The following CD80 variants were observed in gnomAD, a reference collection of about 807,000 sequenced individuals.
CD80 encodes CD80 molecule.
Under a neutral mutation model 27.1 loss-of-function variants are expected in CD80, and 13 were observed. The ratio of observed to expected loss-of-function variants is 0.48; its 90% CI spans 0.31 to 0.76. The LOEUF (loss-of-function observed/expected upper bound fraction) is 0.76, where lower values mean the gene tolerates loss of function less well. Ranked by LOEUF, CD80 falls within the 30% of genes least tolerant of loss-of-function variation. The pLI is 0.04. For synonymous variants in CD80, 125 were observed against 125.5 expected, an observed-to-expected ratio of 1.00 and a Z score of 0.03; for missense variants, 277 against 347.9, an observed-to-expected ratio of 0.80 and a Z score of 1.62.
chr3:119,544,515 GC>G (rs1370875145), intron 3 of CD80, 34 bp downstream of exon 3: 2 of 1,586,406 alleles, frequency 1.3e-6, no homozygotes, highest in Non-Finnish European at 1.7e-6. Context: ...TTAAGAATCT[GC>G]CGGCCTAGAG....
chr3:119,543,835 A>C (rs924567326), intron 3 of CD80, among the ~76,000 whole-genome samples: 9 of 151,960 alleles, frequency 5.9e-5, no homozygotes, highest in Non-Finnish European at 1.2e-4. Context: ...TAAGATAGCC[A>C]TAGTAATAGA....
At chr3:119,532,685 T>C (rs1425566481) in intron 4 of CD80, among the ~76,000 whole-genome samples, 1 of 152,182 alleles carries the variant, frequency 6.6e-6, no homozygotes, top group Non-Finnish European at 1.5e-5. Context: ...ATTTTCTTTG[T>C]GCTCACTTCC....
intron 3 of CD80, chr3:119,544,317 G>T: frequency 1.8e-6 from 1 of 552,220 alleles, no homozygotes; most frequent in Non-Finnish European, 3.2e-6. Flanking sequence ...AGTGCCCCAG[G>T]ATGATTGTCA....
chr3:119,530,838 G>A (rs745321463), intron 4 of CD80, among the ~76,000 whole-genome samples: 61 of 152,316 alleles, frequency 4.0e-4, no homozygotes, highest in Non-Finnish European at 6.2e-4. Flanking sequence ...TCTTCATGCT[G>A]AAGTTTTATT....
intron 3 of CD80, among the ~76,000 whole-genome samples, chr3:119,543,887 C>CTTTTTT (rs71619749): frequency 4.0e-5 from 4 of 99,130 alleles, no homozygotes; most frequent in Non-Finnish European, 5.9e-5. Flanking sequence ...CTCCATTGTT[C>CTTTTTT]TTTTTTTTTT....
At chr3:119,531,001 A>G (rs1201874788) in intron 4 of CD80, among the ~76,000 whole-genome samples, 2 of 152,234 alleles carry the variant, frequency 1.3e-5, no homozygotes, top group African/African-American at 4.8e-5. Flanking sequence ...GTTTAGTGTT[A>G]AAGATTATCT....
Position 119,529,952 on chromosome 3 carries a change from G to T in CD80, c.701-15C>A, listed in dbSNP as rs766600994. On this transcript the variant is annotated splice_polypyrimidine_tract_variant and intron_variant, in intron 4 of 6. Transcript: ENST00000264246. The stretch of plus-strand genomic sequence containing the variant: ...CTCTTGCTTGGCTATGGAGGGAAAA[G>T]AATAATGTCAGCTGTAATGTATTTC... The T allele has an allele frequency of 1.8e-5, 28 of 1,557,596 alleles. No homozygotes were observed. The highest frequency in any genetic ancestry group is 2.4e-5 in the Non-Finnish European group (27 of 1,128,850).
chr3:119,530,021 T>G (rs1263039467), intron 4 of CD80, 84 bp from the exon 5 acceptor site: 2 of 958,380 alleles, frequency 2.1e-6, no homozygotes, highest in East Asian at 5.0e-5. Flanking sequence ...TTGATGCAAC[T>G]GTGGAGTATT....
At chr3:119,543,349 T>TA (rs1208986753) in intron 3 of CD80, among the ~76,000 whole-genome samples, 1 of 152,078 alleles carries the variant, frequency 6.6e-6, no homozygotes, top group African/African-American at 2.4e-5. Flanking sequence ...ATTCATAAAT[T>TA]AGTTTTTTTC....
chr3:119,533,297 T>C (rs780845724), intron 4 of CD80, among the ~76,000 whole-genome samples: 51 of 152,222 alleles, frequency 3.4e-4, no homozygotes, highest in Admixed American at 6.5e-4. Flanking sequence ...TTAGATACCA[T>C]GAGTATGACT....
intron 3 of CD80, chr3:119,544,283 T>G: frequency 2.2e-6 from 1 of 461,178 alleles, no homozygotes; most frequent in Non-Finnish European, 3.9e-6. Context: ...CCCTTGGTGA[T>G]TGAGAGGCTC....
At chr3:119,538,834 A>C (rs965005068) in intron 3 of CD80, among the ~76,000 whole-genome samples, 1 of 152,174 alleles carries the variant, frequency 6.6e-6, no homozygotes, top group African/African-American at 2.4e-5. Context: ...AATGCTGCCT[A>C]ATTTACAAAC....
rs192993988 is a variant in CD80 at position 119,536,027 on chromosome 3, G to A, written c.700+1110C>T. 8.3e-3 allele frequency among the ~76,000 whole-genome samples: 1,258 copies of A among 152,128 alleles called. 14 individuals carry two copies. The highest frequency in any genetic ancestry group is 0.027 in the African/African-American group (1,116 of 41,514). On this transcript the variant is annotated intron_variant, in intron 4 of 6. Coordinates refer to ENST00000264246, the MANE Select transcript of CD80 (RefSeq NM_005191.4). ...AGCACTTTGGGAGGCTGAGGCGGGCGGATCACGAGGTCAGGAGTTCGAGAC... is the reference window on the plus strand; with the variant it reads ...AGCACTTTGGGAGGCTGAGGCGGGCAGATCACGAGGTCAGGAGTTCGAGAC...
intron 4 of CD80, among the ~76,000 whole-genome samples, chr3:119,535,457 C>T (rs1276346792): frequency 6.6e-6 from 1 of 152,066 alleles, no homozygotes; most frequent in Non-Finnish European, 1.5e-5. Context: ...GACCTGTGGT[C>T]CTCTGTATGA....
At chr3:119,542,695 A>C (rs2107744087) in intron 3 of CD80, among the ~76,000 whole-genome samples, 1 of 152,322 alleles carries the variant, frequency 6.6e-6, no homozygotes, top group East Asian at 1.9e-4. Flanking sequence ...TCCTGGGTGT[A>C]GGCTGAACTA....
intron 4 of CD80, among the ~76,000 whole-genome samples, chr3:119,535,522 T>C (rs943454382): frequency 1.2e-4 from 19 of 152,188 alleles, no homozygotes; most frequent in Non-Finnish European, 1.5e-5. Context: ...GTTCACCTTG[T>C]AAGCCATCTT....
At chr3:119,530,688 A>C (rs1421845080) in intron 4 of CD80, among the ~76,000 whole-genome samples, 1 of 152,218 alleles carries the variant, frequency 6.6e-6, no homozygotes, top group Non-Finnish European at 1.5e-5. Context: ...TGCAGTATTT[A>C]TTCTTCAGCT....
chr3:119,543,659 C>T (rs1045072184), intron 3 of CD80, among the ~76,000 whole-genome samples: 1 of 151,788 alleles, frequency 6.6e-6, no homozygotes, highest in Non-Finnish European at 1.5e-5. Flanking sequence ...AGGCTGGTCT[C>T]AAACTCCTGA....
At chr3:119,536,862 TAC>T (rs1244934596) in intron 4 of CD80, among the ~76,000 whole-genome samples, 1 of 152,228 alleles carries the variant, frequency 6.6e-6, no homozygotes, top group Non-Finnish European at 1.5e-5. Flanking sequence ...TACGCTTAGA[TAC>T]ACAAATACTT....
Sources: gnomAD v4.1 joint callset for allele counts (sites outside exome capture counted in the v4.1 genomes callset) on GRCh38, gnomAD v4.1.1 for gene constraint, MANE v1.5 for transcripts, NCBI Gene and HGNC (gene_info 2026-07-23, HGNC 2026-07-21) for gene names.